The following RXYLT1 variants were observed in gnomAD, a reference collection of about 807,000 sequenced individuals.
RXYLT1 encodes the protein ribitol-5-phosphate xylosyltransferase 1.
RXYLT1 carries 41 observed loss-of-function variants against 43.5 expected under a neutral mutation model. That is an observed-to-expected ratio of 0.94 (90% CI 0.73 to 1.22). The LOEUF (loss-of-function observed/expected upper bound fraction) is 1.22. RXYLT1 is among the 50% of genes most tolerant of loss of function. RXYLT1 has a pLI of 0.00. For missense variants in RXYLT1, 514 were observed against 532.0 expected, an observed-to-expected ratio of 0.97 and a Z score of 0.33; for synonymous variants, 166 against 194.4, an observed-to-expected ratio of 0.85 and a Z score of 1.21.
Position 63,791,131 on chromosome 12 carries a change from AC to A in RXYLT1, c.428+6062del, listed in dbSNP as rs539710140. Among the ~76,000 whole-genome samples the A allele has an allele frequency of 9.0e-4, 137 of 152,292 alleles. 1 individual carries two copies. Among genetic ancestry groups the A allele is most frequent in the South Asian group, 8.9e-3 (43 of 4,826 alleles). On this transcript the variant is annotated intron_variant, in intron 3 of 5. Transcript: ENST00000261234. The stretch of plus-strand genomic sequence containing the variant: ...CAATTAAGTTTTAAGCTAGCCTGAG[AC>A]CCATTCTGTCTCTTGAAGGAACTTT...
At chr12:63,794,842 T>C (rs1897994176) in intron 3 of RXYLT1, among the ~76,000 whole-genome samples, 1 of 152,076 alleles carries the variant, frequency 6.6e-6, no homozygotes. Context: ...ATAGTTTTCA[T>C]TGTAGCAGAA....
At position 63,809,236 on chromosome 12, in the gene RXYLT1, A is replaced by G; in HGVS notation, c.*144A>G. 2 of 623,834 alleles carry G rather than the reference A, an allele frequency of 3.2e-6. No homozygotes were observed. Among genetic ancestry groups the G allele is most frequent in the Non-Finnish European group, 5.3e-6 (2 of 376,736 alleles). 38.6% of individuals were successfully genotyped at this position (623,834 alleles called of 1,614,324 possible). A position where few individuals can be genotyped will look rare whatever the true frequency, so the allele number is the denominator to read the frequency against. On this transcript the variant is annotated 3_prime_UTR_variant, in exon 6 of 6. Transcript: ENST00000261234. ...TATGTATGCCACATAATGACATTTC[A>G]GTCAGTGGTAGACTACATATATGAT... is the stretch of plus-strand genomic sequence containing the variant.
intron 2 of RXYLT1, 118 bp downstream of exon 2, chr12:63,781,292 ATTT>A: frequency 8.9e-7 from 1 of 1,125,090 alleles, no homozygotes; most frequent in African/African-American, 1.6e-5. Context: ...ATCATGATAT[ATTT>A]TTTCGCTTTT....
intron 3 of RXYLT1, among the ~76,000 whole-genome samples, chr12:63,798,591 A>C (rs1898085300): frequency 6.6e-6 from 1 of 152,222 alleles, no homozygotes. Context: ...TATGGGAAAC[A>C]CTGATACTTG....
intron 3 of RXYLT1, among the ~76,000 whole-genome samples, chr12:63,789,318 C>T (rs1897871502): frequency 6.6e-6 from 1 of 152,160 alleles, no homozygotes; most frequent in African/African-American, 2.4e-5. Flanking sequence ...ACACACATAG[C>T]ATTTATCTAT....
chr12:63,799,114 G>A (rs1413170051), intron 3 of RXYLT1, among the ~76,000 whole-genome samples: 1 of 152,164 alleles, frequency 6.6e-6, no homozygotes. Flanking sequence ...AACACAGGGA[G>A]TTGTGGACAT....
chr12:63,800,167 CTGAAG>C (rs1252165313), intron 3 of RXYLT1, among the ~76,000 whole-genome samples: 17 of 152,172 alleles, frequency 1.1e-4, no homozygotes, highest in Non-Finnish European at 2.4e-4. Flanking sequence ...AACTTAAGCT[CTGAAG>C]TGAGACAGAA....
intron 3 of RXYLT1, among the ~76,000 whole-genome samples, chr12:63,795,252 G>C (rs373788428): frequency 4.6e-5 from 7 of 150,966 alleles, no homozygotes; most frequent in African/African-American, 1.7e-4. Context: ...CTGCATTCCT[G>C]CCTGGGCGAC....
chr12:63,795,288 G>A (rs1292618693), intron 3 of RXYLT1, among the ~76,000 whole-genome samples: 18 of 145,346 alleles, frequency 1.2e-4, no homozygotes, highest in African/African-American at 3.8e-4. Flanking sequence ...CAAAAAAAAA[G>A]AAGAAGAAGA....
At chr12:63,807,602 T>C (rs575386291) in intron 5 of RXYLT1, 1 of 152,406 alleles carries the variant, frequency 6.6e-6, no homozygotes, top group East Asian at 1.9e-4. Context: ...TTCACTCTTA[T>C]TGCCCAGGCT....
At chr12:63,805,022 C>G in intron 4 of RXYLT1, 1 of 436,428 alleles carries the variant, frequency 2.3e-6, no homozygotes. Flanking sequence ...CTCTGTAACA[C>G]TTTTGTAAGA....
chr12:63,801,963 T>G, intron 3 of RXYLT1, 128 bp from the exon 4 acceptor site: 1 of 855,842 alleles, frequency 1.2e-6, no homozygotes, highest in Non-Finnish European at 1.7e-6. Flanking sequence ...ATTATAGAAA[T>G]TTTACTTCTA....
chr12:63,806,315 A>T (rs1898290503), intron 5 of RXYLT1: 1 of 152,216 alleles, frequency 6.6e-6, no homozygotes, highest in South Asian at 2.1e-4. Flanking sequence ...GTGTGTCAGA[A>T]GATGATAAAT....
At chr12:63,801,225 A>C (rs1565905409) in intron 3 of RXYLT1, among the ~76,000 whole-genome samples, 2 of 150,760 alleles carry the variant, frequency 1.3e-5, no homozygotes, top group Admixed American at 6.6e-5. Flanking sequence ...GTTTATGTAT[A>C]TTTTGTGAGT....
rs539702142 is a variant in RXYLT1, at chr12:63,805,623, G to A, written c.914+219G>A. The A allele has an allele frequency of 1.5e-5, 6 of 394,878 alleles. No individual in the cohort carries two copies. In the South Asian group the frequency reaches 4.3e-4, roughly 28 times the overall value. The allele number at this position is 394,878 out of a possible 1,614,324, so 24.5% of individuals were successfully genotyped here. Reference sequence around the variant, plus strand: ...GTAGTCCATCTTGAAGAGGAACACTGGTAACTGTCATTTGCAAATTTCAGT... The same window carrying A: ...GTAGTCCATCTTGAAGAGGAACACTAGTAACTGTCATTTGCAAATTTCAGT... On this transcript the variant is annotated intron_variant, in intron 5 of 5. Coordinates refer to ENST00000261234, the MANE Select transcript of RXYLT1 (RefSeq NM_014254.3).
Position 63,802,527 on chromosome 12 carries a change from T to C in RXYLT1, c.743+122T>C, listed in dbSNP as rs1898186879. On this transcript the variant is annotated intron_variant, in intron 4 of 5. Coordinates refer to ENST00000261234, the MANE Select transcript of RXYLT1 (RefSeq NM_014254.3). ...GGGATTATTGAGGCCAGGTACAGTC[T>C]TTCTCAGAGATAAAAACAGGGTGTG... The C allele has an allele frequency of 5.9e-6, 5 of 847,348 alleles. No individual in the cohort carries two copies. The African/African-American group carries it at 6.9e-5, about 12-fold the overall frequency. The allele number at this position is 847,348 out of a possible 1,614,324, so 52.5% of individuals were successfully genotyped here. A position where few individuals can be genotyped will look rare whatever the true frequency, so the allele number is the denominator to read the frequency against.
chr12:63,805,590 C>T, intron 5 of RXYLT1, 186 bp downstream of exon 5: 1 of 489,348 alleles, frequency 2.0e-6, no homozygotes, highest in East Asian at 3.5e-5. Flanking sequence ...AGAGAACCGC[C>T]TATGACTGTA....
chr12:63,782,748 T>A, intron 2 of RXYLT1: 1 of 365,932 alleles, frequency 2.7e-6, no homozygotes, highest in Non-Finnish European at 5.4e-6. Flanking sequence ...TTTGTGTGAA[T>A]GAATATTCAG....
intron 3 of RXYLT1, among the ~76,000 whole-genome samples, chr12:63,789,903 G>A (rs185186877): frequency 9.9e-5 from 15 of 152,248 alleles, no homozygotes; most frequent in Admixed American, 8.5e-4. Context: ...CAGAAGTAAC[G>A]GCTCACCTTG....
Sources: allele counts gnomAD v4.1 joint callset (sites outside exome capture counted in the v4.1 genomes callset), GRCh38; gene constraint gnomAD v4.1.1; transcripts MANE v1.5; gene names NCBI Gene and HGNC (gene_info 2026-07-23, HGNC 2026-07-21).